PDK2: variants seen among roughly 807,000 people sequenced by gnomAD.
PDK2 encodes pyruvate dehydrogenase kinase 2.
In PDK2, 34 loss-of-function variants were observed where a neutral mutation model predicts 50.4. The observed-to-expected ratio is 0.68, with a 90% CI of 0.51 to 0.90. PDK2 has a LOEUF of 0.90. Among genes scored for constraint, PDK2 ranks in the 40% least tolerant of loss-of-function variants. The pLI, the probability that PDK2 is intolerant of heterozygous loss-of-function variation, is 0.00. For synonymous variants in PDK2, 232 were observed against 216.0 expected, an observed-to-expected ratio of 1.07 and a Z score of -0.65; for missense variants, 377 against 544.5, an observed-to-expected ratio of 0.69 and a Z score of 3.06.
In PDK2 at chr17:50,108,095, A is replaced by G. The variant is rs761445882; in HGVS notation, c.686-61A>G. 7.2e-6 allele frequency: 10 copies of G among 1,395,564 alleles called. No individual in the cohort carries two copies. In the Admixed American group the frequency reaches 7.9e-5, roughly 11 times the overall value. The allele number at this position is 1,395,564 out of a possible 1,614,324, so 86.4% of individuals were successfully genotyped here. A position where few individuals can be genotyped will look rare whatever the true frequency, so the allele number is the denominator to read the frequency against. ...TGGGAGGGGGTGCCTCCTTTGGGTA[A>G]GGTGGTTGAGCAGTGACCTCCTGAC... On this transcript the variant is annotated intron_variant, in intron 6 of 10. Coordinates refer to ENST00000503176, the MANE Select transcript of PDK2 (RefSeq NM_002611.5).
chr17:50,100,970 C>G (rs367881120), intron 2 of PDK2: 1 of 152,260 alleles, frequency 6.6e-6, no homozygotes, highest in African/African-American at 2.4e-5. Flanking sequence ...TGTTGACAGC[C>G]GGTGTTGTTA....
rs565240964 is a variant in PDK2 at position 50,111,774 on chromosome 17, T to A, written c.*1677T>A. The A allele has an allele frequency of 3.3e-5, 5 of 152,416 alleles. No homozygotes were observed. The South Asian group carries it at 1.0e-3, about 32-fold the overall frequency. The allele number at this position is 152,416 out of a possible 1,614,324, so 9.4% of individuals were successfully genotyped here. A position where few individuals can be genotyped will look rare whatever the true frequency, so the allele number is the denominator to read the frequency against. On this transcript the variant is annotated 3_prime_UTR_variant, in exon 11 of 11. Transcript: ENST00000503176. ...AAGGACATTTCCTAAAAAGGACACATGCTGTCCCCAGGCTGCTGGTAAACT... is the reference window on the plus strand; with the variant it reads ...AAGGACATTTCCTAAAAAGGACACAAGCTGTCCCCAGGCTGCTGGTAAACT...
Position 50,105,877 on chromosome 17 carries a change from C to T in PDK2, c.333-8C>T. 6.2e-7 allele frequency: 1 copy of T among 1,612,442 alleles called. No individual in the cohort carries two copies. The highest frequency in any genetic ancestry group is 1.3e-5 in the African/African-American group (1 of 74,996). ...GTGTCCCATGTGAACATCTGCCCTGCCCCACAGGTTCACTGACGCCCTGGT... is the reference window on the plus strand; with the variant it reads ...GTGTCCCATGTGAACATCTGCCCTGTCCCACAGGTTCACTGACGCCCTGGT... On this transcript the variant is annotated splice_polypyrimidine_tract_variant and splice_region_variant and intron_variant, in intron 3 of 10. Coordinates refer to ENST00000503176, the MANE Select transcript of PDK2 (RefSeq NM_002611.5).
rs200488502 is a variant in PDK2, at chr17:50,109,929, G to A, written c.1084-28G>A. The stretch of plus-strand genomic sequence containing the variant: ...AGGAGTGGACAAGGCACAGGGAGGT[G>A]GGAGGGGCTGACCCTGACACTCCCC... On this transcript the variant is annotated intron_variant, in intron 10 of 10. Transcript: ENST00000503176. The surrounding 1 kb of genome is among the most constrained non-coding windows in gnomAD (Gnocchi z 5.0). The A allele has an allele frequency of 6.0e-6, 9 of 1,505,058 alleles. No homozygotes were observed. The Admixed American group carries it at 8.3e-5, about 14-fold the overall frequency. 93.2% of individuals were successfully genotyped at this position (1,505,058 alleles called of 1,614,324 possible). A position where few individuals can be genotyped will look rare whatever the true frequency, so the allele number is the denominator to read the frequency against.
chr17:50,110,246 G>T lies in PDK2; in HGVS notation c.*149G>T, dbSNP rs767018747. Reference sequence around the variant, plus strand: ...TCTATGGAAGTCACTGCGGTGATAGGTCTGTGATGGTCCCTAAGTGCCAGT... The same window carrying T: ...TCTATGGAAGTCACTGCGGTGATAGTTCTGTGATGGTCCCTAAGTGCCAGT... On this transcript the variant is annotated 3_prime_UTR_variant, in exon 11 of 11. Coordinates refer to ENST00000503176, the MANE Select transcript of PDK2 (RefSeq NM_002611.5). The T allele has an allele frequency of 1.3e-5, 10 of 788,476 alleles. No homozygotes were observed. The highest frequency in any genetic ancestry group is 1.9e-5 in the Non-Finnish European group (10 of 530,374). The allele number at this position is 788,476 out of a possible 1,614,324, so 48.8% of individuals were successfully genotyped here.
chr17:50,096,050 G>C (rs1909922563), intron 1 of PDK2: 1 of 918,244 alleles, frequency 1.1e-6, no homozygotes, highest in Non-Finnish European at 1.3e-6. Flanking sequence ...GTGAGATTAA[G>C]CCAGGGGCAG....
In PDK2 at chr17:50,097,542, T is replaced by C. The variant is rs1140718; in HGVS notation, c.238T>C (p.Ser80Pro). ...LLPDRVLSTP[S>P]VQLVQSWYVQ... The stretch of plus-strand genomic sequence containing the variant: ...TCCCGACCGAGTGCTGAGCACACCC[T>C]CCGTGCAGCTGGTGCAGAGCTGGTG... The change falls in exon 2 of 11, where the codon TCC becomes CCC. Residue 80 changes from serine to proline, a missense_variant. Around this residue, in one of 3 missense-constraint regions of PDK2, gnomAD observed 100 missense variants for 115.5 expected, o/e 0.87. Coordinates refer to ENST00000503176, the MANE Select transcript of PDK2 (RefSeq NM_002611.5). 4 of 1,613,610 alleles carry C rather than the reference T, an allele frequency of 2.5e-6. No homozygotes were observed. The Admixed American group carries it at 6.7e-5, about 27-fold the overall frequency.
intron 4 of PDK2, 124 bp from the exon 5 acceptor site, chr17:50,106,669 CT>C: frequency 1.3e-6 from 1 of 786,326 alleles, no homozygotes; most frequent in Non-Finnish European, 2.2e-6. Flanking sequence ...AGTGGGGCAG[CT>C]TTAGGACTGG....
chr17:50,106,652 G>T (rs1910531602), intron 4 of PDK2, 142 bp from the exon 5 acceptor site: 1 of 701,534 alleles, frequency 1.4e-6, no homozygotes. Flanking sequence ...GAGGACAGAA[G>T]CGGGGGAGTG....
Position 50,108,704 on chromosome 17 carries a change from C to CG in PDK2, c.959dup (p.Thr321AsnfsTer246). The CG allele has an allele frequency of 1.2e-6, 2 of 1,609,862 alleles. No homozygotes were observed. The highest frequency in any genetic ancestry group is 1.7e-6 in the Non-Finnish European group (2 of 1,177,242). On this transcript the variant is annotated frameshift_variant, in exon 9 of 11. Transcript: ENST00000503176. LOFTEE classifies it high-confidence loss of function. ...CAGCACCCACCCCCCAGCCTGGCACCGGGGGAACGCCGCTGGTGAGATGGC... is the reference window on the plus strand; with the variant it reads ...CAGCACCCACCCCCCAGCCTGGCACCGGGGGGAACGCCGCTGGTGAGATGGC...
At chr17:50,106,294 A>C (rs2144367784) in intron 4 of PDK2, 2 of 1,208,780 alleles carry the variant, frequency 1.7e-6, no homozygotes, top group South Asian at 3.6e-5. Context: ...AGTGTTTGCA[A>C]AATGTAAAAT....
At chr17:50,108,058 C>T (rs1001603322) in intron 6 of PDK2, 98 bp from the exon 7 acceptor site, 1 of 946,648 alleles carries the variant, frequency 1.1e-6, no homozygotes, top group Middle Eastern at 2.1e-4. Flanking sequence ...CAGCCATGTA[C>T]TCAGAACTTT....
chr17:50,103,525 T>C (rs768882324), intron 2 of PDK2, among the ~76,000 whole-genome samples: 32 of 152,178 alleles, frequency 2.1e-4, no homozygotes, highest in Admixed American at 1.2e-3. Context: ...CACATGGAAT[T>C]CTCACCACAA....
chr17:50,110,376 T>C lies in PDK2; in HGVS notation c.*279T>C. 6.6e-6 allele frequency: 2 copies of C among 300,858 alleles called. No homozygotes were observed. 18.6% of individuals were successfully genotyped at this position (300,858 alleles called of 1,614,324 possible). ...GGGGTGTCCCAGAGACATTTTCCCATGGCAGTCCTCCTCTCTGAGACCAGG... is the reference window on the plus strand; with the variant it reads ...GGGGTGTCCCAGAGACATTTTCCCACGGCAGTCCTCCTCTCTGAGACCAGG... On this transcript the variant is annotated 3_prime_UTR_variant, in exon 11 of 11. Transcript: ENST00000503176.
chr17:50,102,247 C>T (rs1341393066), intron 2 of PDK2, among the ~76,000 whole-genome samples: 1 of 152,234 alleles, frequency 6.6e-6, no homozygotes, highest in Non-Finnish European at 1.5e-5. Context: ...GCCCCTTGCC[C>T]TGGAGGAGCC....
At chr17:50,096,650 A>C (rs1909966848) in intron 1 of PDK2, among the ~76,000 whole-genome samples, 1 of 152,132 alleles carries the variant, frequency 6.6e-6, no homozygotes, top group African/African-American at 2.4e-5. Flanking sequence ...CACAAACTGC[A>C]CCCTAATTAC....
Position 50,109,967 on chromosome 17 carries a change from CG to C in PDK2, c.1096del (p.Asp366ThrfsTer91). Reference protein sequence around the residue: ...DAVIYLKALSTDSVERLPVYN... With the variant: ...DAVIYLKALSXDSVERLPVYN... ...CCTGACACTCCCCAGGCCCTGTCCA[CG>C]GACTCGGTGGAGCGCCTGCCTGTCT... On this transcript the variant is annotated frameshift_variant, in exon 11 of 11. Coordinates refer to ENST00000503176, the MANE Select transcript of PDK2 (RefSeq NM_002611.5). LOFTEE classifies it high-confidence loss of function. The surrounding 1 kb of genome is among the most constrained non-coding windows in gnomAD (Gnocchi z 5.0). 6.4e-7 allele frequency: 1 copy of C among 1,569,274 alleles called. No homozygotes were observed. The highest frequency in any genetic ancestry group is 8.6e-7 in the Non-Finnish European group (1 of 1,156,540).
In PDK2 at chr17:50,095,537, G is replaced by A. The variant is rs1259190521; in HGVS notation, c.102G>A (p.Lys34=). The change falls in exon 1 of 11, where the codon AAG becomes AAA. Residue 34 remains lysine, a synonymous_variant. Coordinates refer to ENST00000503176, the MANE Select transcript of PDK2 (RefSeq NM_002611.5). Reference sequence around the variant, plus strand: ...TCTCCCCGTCCCCGCTGTCCATGAAGCAGTTTCTGGACTTCGGTACGGAGT... The same window carrying A: ...TCTCCCCGTCCCCGCTGTCCATGAAACAGTTTCTGGACTTCGGTACGGAGT... The part of the protein sequence containing the change: ...SKFSPSPLSM[K]QFLDFGSSNA... 3 of 1,605,780 alleles carry A rather than the reference G, an allele frequency of 1.9e-6. No individual in the cohort carries two copies. The highest frequency in any genetic ancestry group is 1.7e-6 in the Non-Finnish European group (2 of 1,176,154).
intron 2 of PDK2, among the ~76,000 whole-genome samples, chr17:50,100,331 T>C (rs1340851517): frequency 6.6e-6 from 1 of 152,178 alleles, no homozygotes; most frequent in African/African-American, 2.4e-5. Context: ...GGCCCTGTTT[T>C]GGTGGAGACT....
Sources: gnomAD v4.1 joint callset for allele counts (sites outside exome capture counted in the v4.1 genomes callset) on GRCh38, gnomAD v4.1.1 for gene constraint, gnomAD v4.1.1 regional missense constraint, Gnocchi (gnomAD v3.1) non-coding constraint, MANE v1.5 for transcripts, NCBI Gene and HGNC (gene_info 2026-07-23, HGNC 2026-07-21) for gene names.